ROR2: variants seen among roughly 807,000 people sequenced by gnomAD.
ROR2 encodes the protein ROR family WNT receptor 2, also known as tyrosine-protein kinase transmembrane receptor ROR2.
In ROR2, 33 loss-of-function variants were observed where a neutral mutation model predicts 74.9. The ratio of observed to expected loss-of-function variants is 0.44; its 90% CI spans 0.33 to 0.59. The LOEUF (loss-of-function observed/expected upper bound fraction) is 0.59. Among genes scored for constraint, ROR2 ranks in the 20% least tolerant of loss-of-function variants. The pLI is 0.02. For missense variants in ROR2, 1,216 were observed against 1,313.8 expected (o/e 0.93, Z 1.15); for synonymous variants, 586 against 558.7 (o/e 1.05, Z -0.69).
At chr9:91,807,206 C>A (rs899381718) in intron 1 of ROR2, among the ~76,000 whole-genome samples, 1 of 152,158 alleles carries the variant, frequency 6.6e-6, no homozygotes, top group Non-Finnish European at 1.5e-5. Context: ...TGGTTGTCCA[C>A]GCTGCAGCCT....
At chr9:91,915,705 T>C (rs1831114123) in intron 1 of ROR2, among the ~76,000 whole-genome samples, 1 of 152,226 alleles carries the variant, frequency 6.6e-6, no homozygotes. Flanking sequence ...TCCCACATCC[T>C]GCTGATTGGT....
At chr9:91,911,141 T>TG (rs1830969003) in intron 1 of ROR2, among the ~76,000 whole-genome samples, 1 of 152,204 alleles carries the variant, frequency 6.6e-6, no homozygotes, top group South Asian at 2.1e-4. Flanking sequence ...CCCCACCACC[T>TG]GTTCCTTTGA....
chr9:91,829,549 CAAAAAAA>C (rs34687056), intron 1 of ROR2, among the ~76,000 whole-genome samples: 48 of 40,520 alleles, frequency 1.2e-3, no homozygotes, highest in African/African-American at 3.4e-3. Flanking sequence ...GACTCCGTCT[CAAAAAAA>C]AAAAAAAAAA....
chr9:91,858,295 C>A (rs966694571), intron 1 of ROR2, among the ~76,000 whole-genome samples: 4 of 152,200 alleles, frequency 2.6e-5, no homozygotes, highest in African/African-American at 9.7e-5. Context: ...ACGCATGCAT[C>A]CACACGGGCA....
At chr9:91,925,112 C>G (rs1831362600) in intron 1 of ROR2, among the ~76,000 whole-genome samples, 1 of 152,082 alleles carries the variant, frequency 6.6e-6, no homozygotes, top group Admixed American at 6.6e-5. Flanking sequence ...TGGCCTCCCC[C>G]AAAGTGCTGA....
intron 2 of ROR2, among the ~76,000 whole-genome samples, chr9:91,774,427 T>C (rs967771771): frequency 6.6e-6 from 1 of 152,198 alleles, no homozygotes; most frequent in South Asian, 2.1e-4. Context: ...AACCCATAAG[T>C]TGAAGCTCTA....
chr9:91,940,622 T>A (rs1179631317), intron 1 of ROR2, among the ~76,000 whole-genome samples: 1 of 148,712 alleles, frequency 6.7e-6, no homozygotes, highest in Non-Finnish European at 1.5e-5. Flanking sequence ...TGAGACAGAG[T>A]CTTGCTCTGT....
intron 4 of ROR2, among the ~76,000 whole-genome samples, chr9:91,741,402 A>G (rs994996887): frequency 4.6e-5 from 7 of 151,810 alleles, no homozygotes; most frequent in Admixed American, 2.6e-4. Context: ...TCAGGGAGAA[A>G]CAGAGGCAGG....
intron 1 of ROR2, among the ~76,000 whole-genome samples, chr9:91,927,514 G>A (rs10992166): frequency 0.18 from 26,866 of 149,720 alleles, 2,770 homozygotes; most frequent in Admixed American, 0.26. Flanking sequence ...TGCTACCTCC[G>A]TACCCTATCT....
chr9:91,906,135 C>T (rs1830809486), intron 1 of ROR2, among the ~76,000 whole-genome samples: 1 of 152,146 alleles, frequency 6.6e-6, no homozygotes, highest in African/African-American at 2.4e-5. Flanking sequence ...CTCCCGTGGC[C>T]AGGCTGTGAC....
intron 1 of ROR2, among the ~76,000 whole-genome samples, chr9:91,917,345 C>A (rs1256952972): frequency 6.6e-6 from 1 of 152,106 alleles, no homozygotes; most frequent in Non-Finnish European, 1.5e-5. Context: ...GAAGAAGATA[C>A]GTGCAGAGAA....
intron 2 of ROR2, among the ~76,000 whole-genome samples, chr9:91,772,270 G>A (rs969787718): frequency 3.3e-5 from 5 of 152,222 alleles, no homozygotes; most frequent in East Asian, 1.9e-4. Flanking sequence ...ATCCTGTCCC[G>A]CTAAGAGTGC....
intron 1 of ROR2, among the ~76,000 whole-genome samples, chr9:91,850,378 G>A (rs1829052755): frequency 6.6e-6 from 1 of 152,022 alleles, no homozygotes; most frequent in Admixed American, 6.6e-5. Flanking sequence ...CTTTGTGGGT[G>A]TGATTAAATT....
chr9:91,729,068 A>T (rs1008544084), intron 7 of ROR2, among the ~76,000 whole-genome samples: 5 of 149,736 alleles, frequency 3.3e-5, no homozygotes, highest in African/African-American at 1.2e-4. Context: ...TTTTAATTAC[A>T]AAAGTAATTC....
At chr9:91,761,237 A>C (rs191333437) in intron 2 of ROR2, among the ~76,000 whole-genome samples, 247 of 152,344 alleles carry the variant, frequency 1.6e-3, no homozygotes, top group African/African-American at 5.6e-3. Flanking sequence ...CAGTCTTTTT[A>C]GCACCAGGGA....
chr9:91,948,945 C>A (rs956389012), intron 1 of ROR2: 18 of 983,642 alleles, frequency 1.8e-5, no homozygotes, highest in African/African-American at 5.2e-5. Flanking sequence ...CTCCTCCAGG[C>A]AACCTAGGCA....
At chr9:91,852,450 A>G (rs868363312) in intron 1 of ROR2, among the ~76,000 whole-genome samples, 1 of 152,192 alleles carries the variant, frequency 6.6e-6, no homozygotes, top group Admixed American at 6.5e-5. Flanking sequence ...TGACTGCTGT[A>G]AAGCAATGAC....
chr9:91,775,608 C>T (rs111437911), intron 2 of ROR2, 133 bp downstream of exon 2: 69 of 799,772 alleles, frequency 8.6e-5, no homozygotes, highest in African/African-American at 7.5e-4. Flanking sequence ...TGGCATTCCA[C>T]CATACCCACC....
intron 1 of ROR2, among the ~76,000 whole-genome samples, chr9:91,902,856 G>T (rs1226722790): frequency 6.6e-6 from 1 of 152,192 alleles, no homozygotes; most frequent in Non-Finnish European, 1.5e-5. Context: ...GCCAGTCACA[G>T]AAGGACATAG....
Sources: gnomAD v4.1 joint callset for allele counts (sites outside exome capture counted in the v4.1 genomes callset) on GRCh38, gnomAD v4.1.1 for gene constraint, MANE v1.5 for transcripts, NCBI Gene and HGNC (gene_info 2026-07-23, HGNC 2026-07-21) for gene names.